Variants in PCDH15 observed in about 807,000 individuals in gnomAD.
PCDH15 encodes the protein protocadherin related 15.
Under a neutral mutation model 178.5 loss-of-function variants are expected in PCDH15, and 129 were observed. The observed-to-expected ratio is 0.72, with a 90% CI of 0.63 to 0.84. The LOEUF (loss-of-function observed/expected upper bound fraction) is 0.84, where lower values mean the gene tolerates loss of function less well. Ranked by LOEUF, PCDH15 falls within the 40% of genes least tolerant of loss-of-function variation. PCDH15 has a pLI of 0.00. For missense variants in PCDH15, 2,230 were observed against 2,099.9 expected (o/e 1.06, Z -1.21); for synonymous variants, 800 against 732.0 (o/e 1.09, Z -1.50).
intron 2 of PCDH15, among the ~76,000 whole-genome samples, chr10:54,543,717 C>T (rs1461867434): frequency 1.3e-5 from 2 of 152,132 alleles, no homozygotes; most frequent in African/African-American, 2.4e-5. Flanking sequence ...TGTAGCATCG[C>T]TCTAGAAACG....
chr10:55,476,607 T>A (rs1840067155), intron 2 of PCDH15, among the ~76,000 whole-genome samples: 1 of 151,958 alleles, frequency 6.6e-6, no homozygotes, highest in South Asian at 2.1e-4. Context: ...ACTTGGAAAG[T>A]ACAGTTCCAA....
rs180963512 is a variant in PCDH15 at position 54,498,381 on chromosome 10, A to G, written c.157+29431T>C. 3.3e-5 allele frequency among the ~76,000 whole-genome samples: 5 copies of G among 152,296 alleles called. No homozygotes were observed. In the East Asian group the frequency reaches 9.7e-4, roughly 29 times the overall value. On this transcript the variant is annotated intron_variant, in intron 3 of 37. Transcript: ENST00000644397. ...AAGTACATACTGCACTGACACTACAAAGGAACTATACAATTCACTCTACAT... is the reference window on the plus strand; with the variant it reads ...AAGTACATACTGCACTGACACTACAGAGGAACTATACAATTCACTCTACAT...
intron 1 of PCDH15, among the ~76,000 whole-genome samples, chr10:55,212,631 C>T (rs1223010391): frequency 6.6e-6 from 1 of 152,056 alleles, no homozygotes; most frequent in Non-Finnish European, 1.5e-5. Context: ...GAATGACAGT[C>T]AGGGATGTTC....
intron 28 of PCDH15, among the ~76,000 whole-genome samples, chr10:53,852,560 A>C (rs2132958438): frequency 6.6e-6 from 1 of 152,226 alleles, no homozygotes; most frequent in South Asian, 2.1e-4. Context: ...ACAGCAGCTA[A>C]GATTTATTAC....
intron 8 of PCDH15, among the ~76,000 whole-genome samples, chr10:54,306,324 G>A (rs759311758): frequency 4.6e-5 from 7 of 152,106 alleles, no homozygotes; most frequent in South Asian, 2.1e-4. Flanking sequence ...AAATGTGTGC[G>A]TATGTATGTA....
chr10:55,306,381 A>G (rs1190630368), intron 1 of PCDH15, among the ~76,000 whole-genome samples: 4 of 152,190 alleles, frequency 2.6e-5, no homozygotes, highest in Non-Finnish European at 5.9e-5. Context: ...AGTTCCTATC[A>G]ATCTTTCACC....
intron 1 of PCDH15, among the ~76,000 whole-genome samples, chr10:54,751,959 G>A (rs10740595): frequency 0.5 from 76,268 of 151,856 alleles, 19,704 homozygotes; most frequent in Middle Eastern, 0.68. Flanking sequence ...AAATCTTACC[G>A]TCATGTTTCT....
At chr10:54,135,514 C>T (rs570534680) in intron 14 of PCDH15, among the ~76,000 whole-genome samples, 1 of 152,136 alleles carries the variant, frequency 6.6e-6, no homozygotes, top group East Asian at 1.9e-4. Flanking sequence ...ACAAAAGAAT[C>T]GTCATTCTGA....
At chr10:54,960,689 T>C (rs973602952) in intron 2 of PCDH15, among the ~76,000 whole-genome samples, 6 of 152,226 alleles carry the variant, frequency 3.9e-5, no homozygotes, top group Admixed American at 1.3e-4. Flanking sequence ...TTTACAAAAA[T>C]AATAATATGG....
chr10:54,538,733 GTACCTTCCCCTTCATTCTCT>G (rs2084863133), intron 2 of PCDH15, among the ~76,000 whole-genome samples: 2 of 152,092 alleles, frequency 1.3e-5, no homozygotes, highest in South Asian at 4.1e-4. Flanking sequence ...GAAGTATGTA[GTACCTTCCCCTTCATTCTCT>G]TCCTCCTACT....
At chr10:55,458,503 T>G (rs542999952) in intron 2 of PCDH15, among the ~76,000 whole-genome samples, 1 of 152,152 alleles carries the variant, frequency 6.6e-6, no homozygotes, top group South Asian at 2.1e-4. Flanking sequence ...AAAATACAAA[T>G]TTAGGGCATG....
At chr10:54,600,463 G>T in intron 2 of PCDH15, 1 of 578,650 alleles carries the variant, frequency 1.7e-6, no homozygotes, top group South Asian at 1.4e-5. Context: ...TGAAAAGAAG[G>T]GGGATGATAA....
chr10:53,968,275 G>A (rs991908908), intron 21 of PCDH15, among the ~76,000 whole-genome samples: 6 of 152,138 alleles, frequency 3.9e-5, no homozygotes, highest in African/African-American at 7.2e-5. Context: ...GTCTGAGATC[G>A]AACTGCAAGG....
intron 2 of PCDH15, among the ~76,000 whole-genome samples, chr10:55,608,978 A>G (rs939054198): frequency 1.3e-5 from 2 of 151,090 alleles, no homozygotes; most frequent in African/African-American, 4.9e-5. Flanking sequence ...TCCAAAAGCG[A>G]TTGTCTATGG....
intron 1 of PCDH15, among the ~76,000 whole-genome samples, chr10:55,205,419 T>C (rs962853373): frequency 6.6e-5 from 10 of 152,018 alleles, no homozygotes; most frequent in African/African-American, 2.4e-4. Context: ...TATAATTATG[T>C]ATTTTTACTG....
intron 3 of PCDH15, among the ~76,000 whole-genome samples, chr10:54,843,799 C>T (rs1487465471): frequency 6.6e-6 from 1 of 151,946 alleles, no homozygotes; most frequent in Non-Finnish European, 1.5e-5. Flanking sequence ...CTGAACAGTT[C>T]CCTGATACAT....
intron 2 of PCDH15, among the ~76,000 whole-genome samples, chr10:55,401,347 A>T (rs1422713314): frequency 8.5e-6 from 1 of 117,500 alleles, no homozygotes; most frequent in Non-Finnish European, 2.0e-5. Context: ...TACTTATGAG[A>T]TTAATTTTTT....
chr10:55,473,783 A>G (rs1261241258), intron 2 of PCDH15, among the ~76,000 whole-genome samples: 1 of 152,216 alleles, frequency 6.6e-6, no homozygotes, highest in Non-Finnish European at 1.5e-5. Context: ...ATAGATTACA[A>G]AATTTTCACT....
intron 2 of PCDH15, among the ~76,000 whole-genome samples, chr10:54,640,392 GT>G (rs1466420121): frequency 6.6e-6 from 1 of 151,520 alleles, no homozygotes; most frequent in Non-Finnish European, 1.5e-5. Flanking sequence ...AGATATATAA[GT>G]ATGTACCTTT....
Sources: gnomAD v4.1 joint callset for allele counts (sites outside exome capture counted in the v4.1 genomes callset) on GRCh38, gnomAD v4.1.1 for gene constraint, MANE v1.5 for transcripts, NCBI Gene and HGNC (gene_info 2026-07-23, HGNC 2026-07-21) for gene names.